Variants in TSPAN14 observed in about 807,000 individuals in gnomAD.
TSPAN14 encodes tetraspanin-14.
A neutral mutation model predicts 36.6 loss-of-function variants in TSPAN14; 16 were observed. That is an observed-to-expected ratio of 0.44 (90% CI 0.30 to 0.66). TSPAN14 has a LOEUF of 0.66. Ranked by LOEUF, TSPAN14 falls within the 30% of genes least tolerant of loss-of-function variation. The probability of loss-of-function intolerance (pLI) is 0.12; values close to 1 mark genes in which losing one functional copy is unlikely to be tolerated. For missense variants in TSPAN14, 231 were observed against 355.1 expected, an observed-to-expected ratio of 0.65 and a Z score of 2.81; for synonymous variants, 139 against 143.8, an observed-to-expected ratio of 0.97 and a Z score of 0.24.
At chr10:80,504,838 T>C in intron 3 of TSPAN14, 60 bp downstream of exon 3, 1 of 1,574,960 alleles carries the variant, frequency 6.3e-7, no homozygotes, top group Non-Finnish European at 8.7e-7. Flanking sequence ...TTCGTTGGAC[T>C]TCATTTTCCC....
chr10:80,456,900 G>A (rs1435465477), intron 1 of TSPAN14, among the ~76,000 whole-genome samples: 3 of 151,976 alleles, frequency 2.0e-5, no homozygotes, highest in Non-Finnish European at 2.9e-5. Context: ...CTGTCTCTAC[G>A]AAAAATACAA....
chr10:80,477,207 G>T (rs1846967916), intron 1 of TSPAN14, among the ~76,000 whole-genome samples: 1 of 152,196 alleles, frequency 6.6e-6, no homozygotes, highest in African/African-American at 2.4e-5. Context: ...ACATTGGATA[G>T]CTCAGATGAT....
chr10:80,521,252 A>G (rs1161326330), exon 9 of TSPAN14: 1 of 168,996 alleles, frequency 5.9e-6, no homozygotes, highest in African/African-American at 2.4e-5. Flanking sequence ...TCAGAGGAAC[A>G]TAGACGACTG....
At chr10:80,489,295 G>T in exon 2 of TSPAN14, 6 of 1,576,750 alleles carry the variant, frequency 3.8e-6, no homozygotes, top group Non-Finnish European at 3.5e-6. Flanking sequence ...CTCCTTTTCA[G>T]CTACAACATC....
At chr10:80,515,911 T>G in intron 7 of TSPAN14, 3 of 373,304 alleles carry the variant, frequency 8.0e-6, no homozygotes, top group East Asian at 4.7e-5. Flanking sequence ...TTTCTCCAGA[T>G]GTGGATGGTG....
chr10:80,508,375 C>T (rs1335211950), intron 4 of TSPAN14, among the ~76,000 whole-genome samples: 1 of 152,182 alleles, frequency 6.6e-6, no homozygotes, highest in Non-Finnish European at 1.5e-5. Context: ...GCCTCGGCCT[C>T]CCAAAGTGCT....
chr10:80,513,839 A>G (rs779033997), intron 6 of TSPAN14, among the ~76,000 whole-genome samples, 180 bp from the exon 7 acceptor site: 2 of 152,200 alleles, frequency 1.3e-5, no homozygotes, highest in Non-Finnish European at 2.9e-5. Context: ...AGCCCTTCAC[A>G]GAGAAAGTTT....
intron 2 of TSPAN14, among the ~76,000 whole-genome samples, chr10:80,501,912 G>T (rs1461948611): frequency 1.3e-5 from 2 of 152,200 alleles, no homozygotes; most frequent in Non-Finnish European, 2.9e-5. Context: ...TTGTTGGGCT[G>T]CAACTCTGAA....
intron 1 of TSPAN14, among the ~76,000 whole-genome samples, chr10:80,475,633 G>A (rs1389750276): frequency 6.6e-6 from 1 of 152,092 alleles, no homozygotes; most frequent in East Asian, 1.9e-4. Flanking sequence ...TGTTGCCCAG[G>A]CTGGAGTGCA....
chr10:80,519,789 T>C (rs1038783837), exon 9 of TSPAN14: 5 of 152,098 alleles, frequency 3.3e-5, no homozygotes, highest in Admixed American at 1.3e-4. Context: ...CTGACTTACA[T>C]TTCATTGAGT....
At chr10:80,461,669 A>C (rs552209955) in intron 1 of TSPAN14, among the ~76,000 whole-genome samples, 2 of 151,896 alleles carry the variant, frequency 1.3e-5, no homozygotes, top group Non-Finnish European at 2.9e-5. Flanking sequence ...CCTCCATGGC[A>C]TGACTGATGA....
chr10:80,516,778 C>T (rs1840964272), intron 8 of TSPAN14, among the ~76,000 whole-genome samples: 8 of 152,234 alleles, frequency 5.3e-5, no homozygotes, highest in Admixed American at 5.2e-4. Context: ...GACCTCTCCT[C>T]CTGTCTCTGG....
At chr10:80,458,857 C>T (rs1589229064) in intron 1 of TSPAN14, among the ~76,000 whole-genome samples, 1 of 152,006 alleles carries the variant, frequency 6.6e-6, no homozygotes, top group South Asian at 2.1e-4. Context: ...CTCAATTAAA[C>T]GTGAAGATGT....
At chr10:80,493,801 G>A (rs1242962640) in intron 2 of TSPAN14, among the ~76,000 whole-genome samples, 1 of 152,214 alleles carries the variant, frequency 6.6e-6, no homozygotes, top group Non-Finnish European at 1.5e-5. Context: ...ACTTTGATGT[G>A]CAGAGGAAGG....
chr10:80,476,409 G>GT (rs60589813), intron 1 of TSPAN14, among the ~76,000 whole-genome samples: 3,620 of 84,718 alleles, frequency 0.043, 217 homozygotes, highest in African/African-American at 0.099. Flanking sequence ...TTGTTTTACT[G>GT]TTTTTTTTTT....
intron 1 of TSPAN14, chr10:80,466,391 C>T (rs1352942719): frequency 2.6e-5 from 4 of 152,176 alleles, no homozygotes; most frequent in African/African-American, 9.7e-5. Context: ...GTAGCTGAAA[C>T]CACAGGCACG....
intron 5 of TSPAN14, among the ~76,000 whole-genome samples, chr10:80,510,092 C>G (rs1870137): frequency 0.86 from 130,472 of 152,222 alleles, 56,339 homozygotes; most frequent in East Asian, 0.98. Context: ...TGCACCTGGA[C>G]GCTTGGACCA....
At chr10:80,516,570 G>C (rs1363899515) in intron 8 of TSPAN14, among the ~76,000 whole-genome samples, 4 of 152,224 alleles carry the variant, frequency 2.6e-5, no homozygotes, top group Non-Finnish European at 5.9e-5. Context: ...GCTGGGAGGG[G>C]CTTGTGGCCC....
intron 2 of TSPAN14, 142 bp downstream of exon 2, chr10:80,489,456 C>A: frequency 1.5e-6 from 1 of 673,488 alleles, no homozygotes; most frequent in Non-Finnish European, 2.6e-6. Context: ...CCTACCCTCA[C>A]AGAACCAGTT....
Sources: gnomAD v4.1 joint callset for allele counts (sites outside exome capture counted in the v4.1 genomes callset) on GRCh38, gnomAD v4.1.1 for gene constraint, MANE v1.5 for transcripts, NCBI Gene and HGNC (gene_info 2026-07-23, HGNC 2026-07-21) for gene names.